OPCML: variants seen among roughly 807,000 people sequenced by gnomAD.
OPCML encodes opioid-binding protein/cell adhesion molecule.
Under a neutral mutation model 37.8 loss-of-function variants are expected in OPCML, and 13 were observed. The ratio of observed to expected loss-of-function variants is 0.34; its 90% confidence interval spans 0.22 to 0.55. OPCML has a LOEUF of 0.55. OPCML is among the 20% of genes least tolerant of loss of function. The probability of loss-of-function intolerance (pLI) is 0.91; values close to 1 mark genes in which losing one functional copy is unlikely to be tolerated. For synonymous variants in OPCML, 176 were observed against 168.8 expected (o/e 1.04, Z -0.33); for missense variants, 341 against 435.6 (o/e 0.78, Z 1.93).
intron 2 of OPCML, among the ~76,000 whole-genome samples, chr11:132,885,021 G>T (rs1294185769): frequency 6.6e-6 from 1 of 152,192 alleles, no homozygotes; most frequent in African/African-American, 2.4e-5. Flanking sequence ...ATGTGCAGTG[G>T]ACAGCATCTA....
intron 1 of OPCML, among the ~76,000 whole-genome samples, chr11:133,445,087 G>C (rs7395238): frequency 0.01 from 989 of 96,550 alleles, 4 homozygotes; most frequent in African/African-American, 0.017. Flanking sequence ...AGAGACCACA[G>C]ACCATATCCA....
intron 2 of OPCML, among the ~76,000 whole-genome samples, chr11:132,759,011 AG>A (rs1489875369): frequency 1.3e-5 from 2 of 152,068 alleles, no homozygotes; most frequent in Non-Finnish European, 2.9e-5. Flanking sequence ...TTAGCATGAA[AG>A]GGGGTTGAAT....
At chr11:132,516,005 C>G (rs2096278871) in intron 4 of OPCML, among the ~76,000 whole-genome samples, 1 of 152,092 alleles carries the variant, frequency 6.6e-6, no homozygotes, top group Admixed American at 6.5e-5. Context: ...CATCCCAACT[C>G]TTGTTATGCA....
At chr11:133,478,095 C>T (rs763352944) in intron 1 of OPCML, among the ~76,000 whole-genome samples, 71 of 152,130 alleles carry the variant, frequency 4.7e-4, no homozygotes, top group Non-Finnish European at 8.7e-4. Context: ...TTTGGTTTGC[C>T]TTTATTGGAA....
chr11:133,249,444 G>C (rs1941055286), intron 1 of OPCML, among the ~76,000 whole-genome samples: 1 of 152,118 alleles, frequency 6.6e-6, no homozygotes, highest in Non-Finnish European at 1.5e-5. Flanking sequence ...CCTCCAACCA[G>C]GCCCCACCTC....
intron 1 of OPCML, among the ~76,000 whole-genome samples, chr11:132,944,255 G>A (rs1945690265): frequency 6.6e-6 from 1 of 152,162 alleles, no homozygotes; most frequent in South Asian, 2.1e-4. Context: ...GCAGCAAACT[G>A]AAAACTGACA....
intron 1 of OPCML, among the ~76,000 whole-genome samples, chr11:133,276,876 A>T (rs749270978): frequency 1.2e-4 from 18 of 152,322 alleles, no homozygotes; most frequent in Non-Finnish European, 2.4e-4. Flanking sequence ...GAAAGACTTC[A>T]TCCATTTCAA....
At chr11:133,265,728 C>T (rs749795224) in intron 1 of OPCML, among the ~76,000 whole-genome samples, 4 of 152,164 alleles carry the variant, frequency 2.6e-5, no homozygotes, top group Admixed American at 2.0e-4. Context: ...GTACCACAGA[C>T]GCTGCCGGCG....
chr11:133,313,035 TC>T (rs35429262), intron 1 of OPCML, among the ~76,000 whole-genome samples: 7 of 152,256 alleles, frequency 4.6e-5, no homozygotes, highest in Non-Finnish European at 1.0e-4. Flanking sequence ...CATAGTGACT[TC>T]CGTGCATGGA....
Position 133,189,270 on chromosome 11 carries a change from A to G in OPCML, c.62-246260T>C, listed in dbSNP as rs183902474. Among the ~76,000 whole-genome samples the G allele has an allele frequency of 9.4e-4, 143 of 152,344 alleles. 1 individual carries two copies. The highest frequency in any genetic ancestry group is 3.1e-3 in the African/African-American group (129 of 41,578). ...AAAATATGATTTTCCATTAAATTAC[A>G]TAAATTTTGAATATTAGTGTGTAAT... On this transcript the variant is annotated intron_variant, in intron 1 of 7. Transcript: ENST00000524381.
chr11:133,447,728 T>C (rs1946500640), intron 1 of OPCML, among the ~76,000 whole-genome samples: 1 of 152,230 alleles, frequency 6.6e-6, no homozygotes, highest in South Asian at 2.1e-4. Flanking sequence ...TGCATAGTAT[T>C]CCATGGAGTA....
intron 1 of OPCML, among the ~76,000 whole-genome samples, chr11:133,367,256 C>A (rs1408539066): frequency 1.3e-5 from 2 of 152,196 alleles, no homozygotes; most frequent in Non-Finnish European, 2.9e-5. Flanking sequence ...GGATTACAGG[C>A]GTGAGCCACC....
chr11:132,438,703 G>C (rs565787358), intron 4 of OPCML, among the ~76,000 whole-genome samples: 8 of 151,998 alleles, frequency 5.3e-5, no homozygotes, highest in Non-Finnish European at 1.2e-4. Context: ...AGTGTGCAGG[G>C]TGTAGGGTGT....
At chr11:132,642,596 C>T (rs1268999766) in intron 3 of OPCML, among the ~76,000 whole-genome samples, 2 of 152,164 alleles carry the variant, frequency 1.3e-5, no homozygotes, top group Non-Finnish European at 2.9e-5. Flanking sequence ...TGCTGAACCA[C>T]CCTGGCATAA....
intron 3 of OPCML, among the ~76,000 whole-genome samples, chr11:132,634,952 T>A (rs1042787250): frequency 6.6e-6 from 1 of 152,044 alleles, no homozygotes; most frequent in African/African-American, 2.4e-5. Context: ...CCTCTTACTA[T>A]GTTGTAAGAC....
chr11:132,572,445 G>A (rs1407995836), intron 3 of OPCML, among the ~76,000 whole-genome samples: 1 of 151,896 alleles, frequency 6.6e-6, no homozygotes, highest in Non-Finnish European at 1.5e-5. Flanking sequence ...GTAAAGTAAG[G>A]GTCCAATTTC....
chr11:133,411,533 C>T (rs1365100395), intron 1 of OPCML, among the ~76,000 whole-genome samples: 1 of 152,190 alleles, frequency 6.6e-6, no homozygotes, highest in Non-Finnish European at 1.5e-5. Context: ...AGCTCATTTA[C>T]AGTGGCCCTC....
At chr11:132,435,449 G>A (rs1412510211) in intron 7 of OPCML, among the ~76,000 whole-genome samples, 1 of 152,200 alleles carries the variant, frequency 6.6e-6, no homozygotes, top group East Asian at 1.9e-4. Flanking sequence ...CCTGGCCCAT[G>A]GTGTGAAATG....
intron 2 of OPCML, among the ~76,000 whole-genome samples, chr11:132,780,700 G>A (rs2136149090): frequency 6.6e-6 from 1 of 152,304 alleles, no homozygotes; most frequent in Middle Eastern, 3.4e-3. Context: ...GGGTGGCCGT[G>A]AGTGTGTGTC....
Sources: allele counts gnomAD v4.1 joint callset (sites outside exome capture counted in the v4.1 genomes callset), GRCh38; gene constraint gnomAD v4.1.1; transcripts MANE v1.5; gene names NCBI Gene and HGNC (gene_info 2026-07-23, HGNC 2026-07-21).